The following FILIP1 variants were observed in gnomAD, a reference collection of about 807,000 sequenced individuals.
The protein encoded by FILIP1 is filamin-A-interacting protein 1.
In FILIP1, 61 loss-of-function variants were observed where a neutral mutation model predicts 102.1. The observed-to-expected ratio is 0.60, with a 90% confidence interval of 0.49 to 0.74. The LOEUF (loss-of-function observed/expected upper bound fraction) is 0.74. FILIP1 is among the 30% of genes least tolerant of loss of function. The probability of loss-of-function intolerance (pLI) is 0.00; values close to 1 mark genes in which losing one functional copy is unlikely to be tolerated. For missense variants in FILIP1, 1,314 were observed against 1,441.2 expected, an observed-to-expected ratio of 0.91 and a Z score of 1.43; for synonymous variants, 491 against 526.9, an observed-to-expected ratio of 0.93 and a Z score of 0.93.
chr6:75,348,993 C>G (rs573384326), intron 4 of FILIP1, among the ~76,000 whole-genome samples: 1 of 152,336 alleles, frequency 6.6e-6, no homozygotes, highest in South Asian at 2.1e-4. Context: ...GAAACATAAA[C>G]TATTTGCACA....
rs1773551984 is a variant in FILIP1 at position 75,319,164 on chromosome 6, C to T, written c.630-3962G>A. 8.2e-6 allele frequency: 6 copies of T among 735,016 alleles called. 1 individual carries two copies. In the Admixed American group the frequency reaches 1.2e-4, roughly 15 times the overall value. 45.5% of individuals were successfully genotyped at this position (735,016 alleles called of 1,614,324 possible). ...CAATTCCCTTTTATGCTGCATCAGGCTTTCCTTTAGCTTGATATGCAGCAA... is the reference window on the plus strand; with the variant it reads ...CAATTCCCTTTTATGCTGCATCAGGTTTTCCTTTAGCTTGATATGCAGCAA... On this transcript the variant is annotated intron_variant, in intron 4 of 5. Coordinates refer to ENST00000237172, the MANE Select transcript of FILIP1 (RefSeq NM_015687.5).
chr6:75,410,971 T>C (rs1485573054), intron 2 of FILIP1, among the ~76,000 whole-genome samples: 1 of 152,234 alleles, frequency 6.6e-6, no homozygotes, highest in Non-Finnish European at 1.5e-5. Context: ...GTACTTCTGG[T>C]TCTAGATCCT....
intron 2 of FILIP1, among the ~76,000 whole-genome samples, chr6:75,402,327 TTCTGATTTTAA>T (rs1410569774): frequency 6.6e-6 from 1 of 152,156 alleles, no homozygotes; most frequent in Non-Finnish European, 1.5e-5. Context: ...TCAGATCTGG[TTCTGATTTTAA>T]TCAGAAAGCA....
downstream of FILIP1, among the ~76,000 whole-genome samples, chr6:75,303,698 G>T (rs1054556907): frequency 1.3e-5 from 2 of 151,772 alleles, no homozygotes; most frequent in African/African-American, 4.8e-5. Flanking sequence ...CCCCAGAAAG[G>T]TTACTGGAGG....
At chr6:75,472,851 G>C (rs1047724541) in intron 1 of FILIP1, among the ~76,000 whole-genome samples, 1 of 152,116 alleles carries the variant, frequency 6.6e-6, no homozygotes, top group East Asian at 1.9e-4. Flanking sequence ...ATTAGTCACA[G>C]AGACATAATG....
rs73453730 is a variant in FILIP1, at chr6:75,308,468, C to T, written c.*223G>A. ...GAAGCAAAACTGGAACTAGAAACCA[C>T]GCCCTGGCTTCTAGGCAGCAAGCAA... On this transcript the variant is annotated 3_prime_UTR_variant, in exon 6 of 6. Coordinates refer to ENST00000237172, the MANE Select transcript of FILIP1 (RefSeq NM_015687.5). The T allele has an allele frequency of 1.6e-4, 213 of 1,363,330 alleles. No homozygotes were observed. The African/African-American group carries it at 2.4e-3, about 15-fold the overall frequency. 84.5% of individuals were successfully genotyped at this position (1,363,330 alleles called of 1,614,324 possible). A position where few individuals can be genotyped will look rare whatever the true frequency, so the allele number is the denominator to read the frequency against.
rs7757354 is a variant in FILIP1 at position 75,389,426 on chromosome 6, G to A, written c.276+25271C>T. On this transcript the variant is annotated intron_variant, in intron 2 of 5. Coordinates refer to ENST00000237172, the MANE Select transcript of FILIP1 (RefSeq NM_015687.5). Reference sequence around the variant, plus strand: ...AGGAGTCCCTCTTTTTCTATTGATTGGAATGGTTTCAGAAGGAATGGTACC... The same window carrying A: ...AGGAGTCCCTCTTTTTCTATTGATTAGAATGGTTTCAGAAGGAATGGTACC... 5.3e-3 allele frequency among the ~76,000 whole-genome samples: 808 copies of A among 152,228 alleles called. 14 individuals carry two copies. The highest frequency in any genetic ancestry group is 0.019 in the African/African-American group (769 of 41,530).
chr6:75,449,314 G>A (rs1042758928), intron 1 of FILIP1, among the ~76,000 whole-genome samples: 2 of 152,102 alleles, frequency 1.3e-5, no homozygotes, highest in Non-Finnish European at 2.9e-5. Flanking sequence ...AATGGACTTT[G>A]GGGACTTGGG....
chr6:75,387,297 T>C (rs1776133076), intron 2 of FILIP1, among the ~76,000 whole-genome samples: 1 of 152,160 alleles, frequency 6.6e-6, no homozygotes. Context: ...GTTCAAAGTT[T>C]GCTATTTTTT....
chr6:75,342,446 A>C (rs61569012), intron 4 of FILIP1, among the ~76,000 whole-genome samples: 2,778 of 152,330 alleles, frequency 0.018, 76 homozygotes, highest in East Asian at 0.11. Context: ...CATTTTTCTG[A>C]ATCTTTTATA....
chr6:75,408,870 C>G (rs1776961757), intron 2 of FILIP1, among the ~76,000 whole-genome samples: 1 of 152,168 alleles, frequency 6.6e-6, no homozygotes, highest in Non-Finnish European at 1.5e-5. Context: ...CTCCAGAAGA[C>G]ACCATCCTTA....
intron 1 of FILIP1, among the ~76,000 whole-genome samples, chr6:75,463,888 G>T (rs13220673): frequency 5.3e-5 from 8 of 152,258 alleles, no homozygotes; most frequent in African/African-American, 1.4e-4. Flanking sequence ...CATATTAGGA[G>T]TTAATAGGGG....
At chr6:75,370,569 CTTTTTTTTT>C (rs61384517) in intron 2 of FILIP1, among the ~76,000 whole-genome samples, 2 of 75,702 alleles carry the variant, frequency 2.6e-5, no homozygotes, top group Non-Finnish European at 4.9e-5. Context: ...GGAGTCTCTT[CTTTTTTTTT>C]TTTTTTTTTT....
intron 2 of FILIP1, among the ~76,000 whole-genome samples, chr6:75,410,844 C>A (rs984512593): frequency 6.6e-6 from 1 of 151,954 alleles, no homozygotes; most frequent in African/African-American, 2.4e-5. Context: ...TTGTTGGTTC[C>A]ATTTTTTGCT....
chr6:75,476,489 T>C (rs1779478741), intron 1 of FILIP1, among the ~76,000 whole-genome samples: 1 of 152,086 alleles, frequency 6.6e-6, no homozygotes, highest in Non-Finnish European at 1.5e-5. Context: ...CCACTATTAA[T>C]AAAGAAATTA....
At chr6:75,357,565 T>C (rs1775045012) in intron 3 of FILIP1, among the ~76,000 whole-genome samples, 1 of 152,248 alleles carries the variant, frequency 6.6e-6, no homozygotes, top group Non-Finnish European at 1.5e-5. Flanking sequence ...TTTTCATCTC[T>C]TAATGCATAA....
chr6:75,318,992 C>T, intron 4 of FILIP1: 5 of 630,014 alleles, frequency 7.9e-6, no homozygotes, highest in South Asian at 5.1e-5. Flanking sequence ...AGGTTAAATG[C>T]TTTATAGACA....
chr6:75,322,770 T>G (rs1489849388), intron 4 of FILIP1, among the ~76,000 whole-genome samples: 2 of 152,336 alleles, frequency 1.3e-5, no homozygotes, highest in Non-Finnish European at 2.9e-5. Context: ...CTTGGCTCAC[T>G]GTAACCTCAG....
chr6:75,442,329 G>T (rs1778292248), intron 1 of FILIP1, among the ~76,000 whole-genome samples: 1 of 152,132 alleles, frequency 6.6e-6, no homozygotes, highest in Non-Finnish European at 1.5e-5. Flanking sequence ...AGGCAGAGAC[G>T]CTCCTCACTT....
Sources: gnomAD v4.1 joint callset for allele counts (sites outside exome capture counted in the v4.1 genomes callset) on GRCh38, gnomAD v4.1.1 for gene constraint, MANE v1.5 for transcripts, NCBI Gene and HGNC (gene_info 2026-07-23, HGNC 2026-07-21) for gene names.